Variants in BTBD7 observed in about 807,000 individuals in gnomAD.
BTBD7 encodes BTB domain containing 7, also known as BTB/POZ domain-containing protein 7.
A neutral mutation model predicts 99.9 loss-of-function variants in BTBD7; 38 were observed. That is an observed-to-expected ratio of 0.38 (90% confidence interval 0.29 to 0.50). The LOEUF is 0.50. Among genes scored for constraint, BTBD7 ranks in the 20% least tolerant of loss-of-function variants. The pLI is 0.93. For synonymous variants in BTBD7, 520 were observed against 511.4 expected (o/e 1.02, Z -0.23); for missense variants, 1,170 against 1,394.6 (o/e 0.84, Z 2.57).
intron 6 of BTBD7, 25 bp from the exon 7 acceptor site, chr14:93,253,815 T>C (rs766820550): frequency 6.8e-7 from 1 of 1,475,590 alleles, no homozygotes; most frequent in Non-Finnish European, 9.2e-7. Context: ...TTTTTTTAGA[T>C]AGAAATCTGT....
chr14:93,254,846 G>A (rs1488164846), intron 6 of BTBD7, among the ~76,000 whole-genome samples: 1 of 152,212 alleles, frequency 6.6e-6, no homozygotes, highest in African/African-American at 2.4e-5. Flanking sequence ...AACCTTTGTT[G>A]GGGACTTACG....
chr14:93,293,798 T>C, intron 3 of BTBD7, 60 bp downstream of exon 3: 3 of 1,529,838 alleles, frequency 2.0e-6, no homozygotes, highest in Non-Finnish European at 2.6e-6. Context: ...GGTTGTGTTT[T>C]CAATTTGGAA....
rs187765230 is a variant in BTBD7 at position 93,256,220 on chromosome 14, C to T, written c.1608+975G>A. The T allele has an allele frequency of 2.0e-5, 3 of 152,240 alleles. 1 individual carries two copies. Among genetic ancestry groups the T allele is most frequent in the East Asian group, 3.9e-4 (2 of 5,186 alleles). 9.4% of individuals were successfully genotyped at this position (152,240 alleles called of 1,614,324 possible). A position where few individuals can be genotyped will look rare whatever the true frequency, so the allele number is the denominator to read the frequency against. On this transcript the variant is annotated intron_variant, in intron 6 of 10. Transcript: ENST00000334746. Reference sequence around the variant, plus strand: ...CTGCTAATCAGTTAATCTAGCACCACATTGACTTGTGATAGTTCGTTTATT... The same window carrying T: ...CTGCTAATCAGTTAATCTAGCACCATATTGACTTGTGATAGTTCGTTTATT...
intron 3 of BTBD7, among the ~76,000 whole-genome samples, chr14:93,272,497 G>C (rs2052611368): frequency 6.6e-6 from 1 of 152,040 alleles, no homozygotes; most frequent in Admixed American, 6.5e-5. Context: ...CCTTCAATTA[G>C]CCTCTCTTCC....
intron 1 of BTBD7, among the ~76,000 whole-genome samples, chr14:93,301,474 G>C (rs1482105243): frequency 6.6e-6 from 1 of 151,888 alleles, no homozygotes; most frequent in Non-Finnish European, 1.5e-5. Flanking sequence ...ACAGGCGTGA[G>C]CCACCGTGCC....
At chr14:93,272,863 G>C (rs2052614892) in intron 3 of BTBD7, among the ~76,000 whole-genome samples, 1 of 152,110 alleles carries the variant, frequency 6.6e-6, no homozygotes, top group African/African-American at 2.4e-5. Flanking sequence ...TTCTGATGAA[G>C]AGCCTAAGCC....
chr14:93,327,286 C>T (rs2053344661), intron 1 of BTBD7, among the ~76,000 whole-genome samples: 1 of 152,224 alleles, frequency 6.6e-6, no homozygotes, highest in Admixed American at 6.5e-5. Flanking sequence ...AGCAACTTCA[C>T]TGAATGCCCC....
chr14:93,280,348 G>A (rs373353242), intron 3 of BTBD7, among the ~76,000 whole-genome samples: 2 of 152,154 alleles, frequency 1.3e-5, no homozygotes, highest in African/African-American at 4.8e-5. Flanking sequence ...CAATGTAAAC[G>A]TCAATTAGAA....
In BTBD7 at chr14:93,240,855, A is replaced by G. The variant is rs1175728164; in HGVS notation, c.*1418T>C. The G allele has an allele frequency of 6.6e-6, 1 of 152,648 alleles. No individual in the cohort carries two copies. The highest frequency in any genetic ancestry group is 2.4e-5 in the African/African-American group (1 of 41,444). 9.5% of individuals were successfully genotyped at this position (152,648 alleles called of 1,614,324 possible). On this transcript the variant is annotated 3_prime_UTR_variant, in exon 11 of 11. Transcript: ENST00000334746. ...CGTCCCAGTGGAGTTCAAGTAGGACATGTAGTGTTTAACTGAAAACAATTT... is the reference window on the plus strand; with the variant it reads ...CGTCCCAGTGGAGTTCAAGTAGGACGTGTAGTGTTTAACTGAAAACAATTT...
Position 93,264,871 on chromosome 14 carries a change from C to T in BTBD7, c.1163-878G>A, listed in dbSNP as rs367552452. Among the ~76,000 whole-genome samples, 4 of 152,274 alleles carry T rather than the reference C, an allele frequency of 2.6e-5. No individual in the cohort carries two copies. The East Asian group carries it at 7.7e-4, about 29-fold the overall frequency. Reference sequence around the variant, plus strand: ...ATCCCAGCACTCTGGGAGTCCAAGGCGGGCAGATCACCTAAGGTCAGGAGT... The same window carrying T: ...ATCCCAGCACTCTGGGAGTCCAAGGTGGGCAGATCACCTAAGGTCAGGAGT... On this transcript the variant is annotated intron_variant, in intron 3 of 10. Coordinates refer to ENST00000334746, the MANE Select transcript of BTBD7 (RefSeq NM_001002860.4).
chr14:93,306,125 G>A (rs2053066834), intron 1 of BTBD7, among the ~76,000 whole-genome samples: 1 of 152,166 alleles, frequency 6.6e-6, no homozygotes, highest in African/African-American at 2.4e-5. Flanking sequence ...CCTTATCATA[G>A]AAGACATAGT....
intron 1 of BTBD7, among the ~76,000 whole-genome samples, chr14:93,330,269 A>G (rs986390751): frequency 5.9e-5 from 9 of 152,214 alleles, no homozygotes; most frequent in Non-Finnish European, 1.0e-4. Flanking sequence ...CCAACTGACT[A>G]AAGTTTCCTA....
chr14:93,248,754 T>G, intron 8 of BTBD7, 100 bp from the exon 9 acceptor site: 1 of 1,067,216 alleles, frequency 9.4e-7, no homozygotes, highest in Non-Finnish European at 1.3e-6. Flanking sequence ...TACCAGAATC[T>G]TATAAGTTTT....
rs1184298511 is a variant in BTBD7, at chr14:93,332,694, G to A, written c.-107+126C>T. 8.6e-6 allele frequency: 11 copies of A among 1,280,924 alleles called. No homozygotes were observed. In the East Asian group the frequency reaches 3.6e-4, roughly 42 times the overall value. 79.3% of individuals were successfully genotyped at this position (1,280,924 alleles called of 1,614,324 possible). ...CCCGCCCGGCGCCCCAGCGCCTCCC[G>A]CGGCGGCTTGGCCCCAGCCCCGGCG... On this transcript the variant is annotated intron_variant, in intron 1 of 10. Coordinates refer to ENST00000334746, the MANE Select transcript of BTBD7 (RefSeq NM_001002860.4).
In BTBD7 at chr14:93,242,191, A is replaced by G. The variant is rs1178339848; in HGVS notation, c.*82T>C. Reference sequence around the variant, plus strand: ...GAAACCGAGTTATCAGCTGGCATTGATGAACTGGTCTGTAAGTTGTTGGGT... The same window carrying G: ...GAAACCGAGTTATCAGCTGGCATTGGTGAACTGGTCTGTAAGTTGTTGGGT... On this transcript the variant is annotated 3_prime_UTR_variant, in exon 11 of 11. Transcript: ENST00000334746. 9.3e-6 allele frequency: 12 copies of G among 1,292,470 alleles called. No individual in the cohort carries two copies. Among genetic ancestry groups the G allele is most frequent in the Middle Eastern group, 2.4e-4 (1 of 4,180 alleles). 80.1% of individuals were successfully genotyped at this position (1,292,470 alleles called of 1,614,324 possible).
chr14:93,266,509 T>C (rs1484555063), intron 3 of BTBD7, among the ~76,000 whole-genome samples: 1 of 146,736 alleles, frequency 6.8e-6, no homozygotes, highest in East Asian at 1.9e-4. Context: ...AATAACTGAT[T>C]TATCCGTTGT....
At chr14:93,301,470 G>A (rs991324162) in intron 1 of BTBD7, among the ~76,000 whole-genome samples, 15 of 152,060 alleles carry the variant, frequency 9.9e-5, no homozygotes, top group Non-Finnish European at 1.6e-4. Flanking sequence ...GATTACAGGC[G>A]TGAGCCACCG....
At chr14:93,243,453 A>G (rs1216398313) in intron 10 of BTBD7, among the ~76,000 whole-genome samples, 3 of 152,166 alleles carry the variant, frequency 2.0e-5, no homozygotes, top group Admixed American at 6.5e-5. Flanking sequence ...TCGGCCTCCT[A>G]AAGTGCTGGG....
rs746888000 is a variant in BTBD7, at chr14:93,245,867, T to TGAG, written c.2538_2540dup (p.Ser847dup). On this transcript the variant is annotated inframe_insertion, in exon 10 of 11. Transcript: ENST00000334746. ...CTGCTGCTGCTGCTGCTGTTGCTGTTGAGGTGGTGGTGGCGGCAGCAGCAG... is the reference window on the plus strand; with the variant it reads ...CTGCTGCTGCTGCTGCTGTTGCTGTTGAGGAGGTGGTGGTGGCGGCAGCAGCAG... 2 of 1,613,860 alleles carry TGAG rather than the reference T, an allele frequency of 1.2e-6. No individual in the cohort carries two copies. Among genetic ancestry groups the TGAG allele is most frequent in the Non-Finnish European group, 1.7e-6 (2 of 1,179,894 alleles).
Sources: gnomAD v4.1 joint callset for allele counts (sites outside exome capture counted in the v4.1 genomes callset) on GRCh38, gnomAD v4.1.1 for gene constraint, MANE v1.5 for transcripts, NCBI Gene and HGNC (gene_info 2026-07-23, HGNC 2026-07-21) for gene names.